The following PDCD11 variants were observed in gnomAD, a reference collection of about 807,000 sequenced individuals.
PDCD11 encodes programmed cell death 11.
In PDCD11, 97 loss-of-function variants were observed where a neutral mutation model predicts 198.9. The observed-to-expected ratio is 0.49, with a 90% CI of 0.41 to 0.58. The LOEUF (loss-of-function observed/expected upper bound fraction) is 0.58, where lower values mean the gene tolerates loss of function less well. Ranked by LOEUF, PDCD11 falls within the 20% of genes least tolerant of loss-of-function variation. PDCD11 has a pLI of 0.00. For synonymous variants in PDCD11, 893 were observed against 918.0 expected, an observed-to-expected ratio of 0.97 and a Z score of 0.49; for missense variants, 2,102 against 2,312.7, an observed-to-expected ratio of 0.91 and a Z score of 1.87.
Position 103,444,076 on chromosome 10 carries a change from C to A in PDCD11, c.5278+8C>A. 1 of 1,608,568 alleles carries A rather than the reference C, an allele frequency of 6.2e-7. No individual in the cohort carries two copies. The highest frequency in any genetic ancestry group is 8.5e-7 in the Non-Finnish European group (1 of 1,178,446). On this transcript the variant is annotated splice_region_variant and intron_variant, in intron 34 of 35. Transcript: ENST00000369797. Reference sequence around the variant, plus strand: ...GCCTGCCTAGCAAGGAGCGTGAGTGCTCATTCCCAGCTCCTGAGCCCATGA... The same window carrying A: ...GCCTGCCTAGCAAGGAGCGTGAGTGATCATTCCCAGCTCCTGAGCCCATGA...
rs1166581296 is a variant in PDCD11, at chr10:103,443,250, T to C, written c.5041T>C (p.Phe1681Leu). The change falls in exon 33 of 36, where the codon TTT (phenylalanine) becomes CTT (leucine). Residue 1681 changes from phenylalanine to leucine, a missense_variant. Physicochemically the swap from Phe to Leu is conservative, Grantham distance 22. Transcript: ENST00000369797. ...YGSQESLTKV[F>L]ERAVQYNEPL... is the part of the protein sequence containing the mutation. Reference sequence around the variant, plus strand: ...CTCTCAGGAGTCCCTGACCAAGGTCTTTGAGCGAGCCGTGCAGTACAACGA... The same window carrying C: ...CTCTCAGGAGTCCCTGACCAAGGTCCTTGAGCGAGCCGTGCAGTACAACGA... The C allele has an allele frequency of 3.1e-6, 5 of 1,613,022 alleles. No homozygotes were observed. Among genetic ancestry groups the C allele is most frequent in the Non-Finnish European group, 4.2e-6 (5 of 1,179,204 alleles).
chr10:103,421,515 G>C lies in PDCD11; in HGVS notation c.2445G>C (p.Leu815=), dbSNP rs749337554. The change falls in exon 17 of 36, where the codon CTG becomes CTC. Residue 815 remains leucine (L), a synonymous_variant. Coordinates refer to ENST00000369797, the MANE Select transcript of PDCD11 (RefSeq NM_014976.2). ...TGGCTATCACCAGCCTCCTCCTCCT[G>C]AATCAGTGCCTGGAGGAGCTGCAGG... ...GDLAITSLLL[L]NQCLEELQGV... 1.1e-5 allele frequency: 17 copies of C among 1,584,672 alleles called. No individual in the cohort carries two copies. The highest frequency in any genetic ancestry group is 1.4e-5 in the Non-Finnish European group (16 of 1,164,894).
At position 103,438,057 on chromosome 10, in the gene PDCD11, G is replaced by T. The variant is rs199717141; in HGVS notation, c.3888G>T (p.Ser1296=). ...CTGCAGACAACGTATTGACTTTGTC[G>T]CTGCGATCATCCAGGTGGGTTTCTG... ...LSTADNVLTL[S]LRSSRTNPET... Residue 1296 remains serine, a synonymous_variant, in exon 26 of 36, where the codon TCG becomes TCT. Coordinates refer to ENST00000369797, the MANE Select transcript of PDCD11 (RefSeq NM_014976.2). The T allele has an allele frequency of 4.3e-6, 7 of 1,613,190 alleles. No individual in the cohort carries two copies. Among genetic ancestry groups the T allele is most frequent in the East Asian group, 2.2e-5 (1 of 44,886 alleles).
At chr10:103,411,030 G>A (rs1011347043) in intron 8 of PDCD11, among the ~76,000 whole-genome samples, 6 of 151,086 alleles carry the variant, frequency 4.0e-5, no homozygotes, top group African/African-American at 1.2e-4. Context: ...AGCCGAGATT[G>A]TGCCACTGCA....
chr10:103,417,727 G>A, intron 13 of PDCD11, 65 bp from the exon 14 acceptor site: 1 of 1,558,382 alleles, frequency 6.4e-7, no homozygotes. Flanking sequence ...GTAGTGGAGG[G>A]CACGTTGCAG....
At chr10:103,433,496 C>CA (rs368230855) in intron 22 of PDCD11, among the ~76,000 whole-genome samples, 12 of 149,678 alleles carry the variant, frequency 8.0e-5, no homozygotes, top group African/African-American at 1.7e-4. Flanking sequence ...GACTCTGTCT[C>CA]AAAAAAAAAG....
chr10:103,432,829 C>T (rs1485744489), intron 22 of PDCD11, among the ~76,000 whole-genome samples: 5 of 152,328 alleles, frequency 3.3e-5, no homozygotes, highest in African/African-American at 1.2e-4. Flanking sequence ...GATGCCTTAG[C>T]GTGGCAGATA....
At chr10:103,422,864 A>G in intron 17 of PDCD11, 124 bp from the exon 18 acceptor site, 1 of 931,440 alleles carries the variant, frequency 1.1e-6, no homozygotes, top group Non-Finnish European at 1.5e-6. Context: ...GCAAAAAGTG[A>G]TTTTACCTTG....
At chr10:103,402,264 T>C (rs759571235) in intron 3 of PDCD11, among the ~76,000 whole-genome samples, 1 of 152,144 alleles carries the variant, frequency 6.6e-6, no homozygotes, top group East Asian at 1.9e-4. Flanking sequence ...TTTGGGTTGC[T>C]CAGAATAATG....
chr10:103,428,162 G>A (rs970441500), intron 21 of PDCD11, among the ~76,000 whole-genome samples: 4 of 152,050 alleles, frequency 2.6e-5, no homozygotes, highest in South Asian at 2.1e-4. Context: ...AAAATTAGCC[G>A]GGTGTGGTGG....
chr10:103,421,246 C>T, intron 16 of PDCD11, 102 bp from the exon 17 acceptor site: 1 of 854,572 alleles, frequency 1.2e-6, no homozygotes, highest in Admixed American at 2.1e-5. Context: ...GCTTCCTAGG[C>T]CCCATTTCCC....
At chr10:103,444,743 C>T (rs111754380) in intron 35 of PDCD11, 61 bp downstream of exon 35, 3 of 1,481,026 alleles carry the variant, frequency 2.0e-6, no homozygotes, top group East Asian at 4.5e-5. Context: ...GGCACTGGTC[C>T]CACAGCAGCT....
At chr10:103,406,187 G>C in intron 6 of PDCD11, 79 bp downstream of exon 6, 1 of 1,517,744 alleles carries the variant, frequency 6.6e-7, no homozygotes, top group Non-Finnish European at 9.0e-7. Flanking sequence ...ATTTTGATGA[G>C]TAACATGACA....
At chr10:103,400,586 T>C in intron 3 of PDCD11, 58 bp downstream of exon 3, 1 of 1,531,824 alleles carries the variant, frequency 6.5e-7, no homozygotes, top group Non-Finnish European at 8.8e-7. Context: ...AGTTTGTGTA[T>C]GTTCTTTTTT....
At position 103,442,357 on chromosome 10, in the gene PDCD11, A is replaced by G. The variant is rs781475282; in HGVS notation, c.4852A>G (p.Ser1618Gly). Residue 1618 changes from serine to glycine, a missense_variant, in exon 32 of 36, where the codon AGC (serine) becomes GGC (glycine). Ser to Gly is a moderately conservative substitution (Grantham distance 56, BLOSUM62 0). Coordinates refer to ENST00000369797, the MANE Select transcript of PDCD11 (RefSeq NM_014976.2). ...FDRLVLSSPN[S>G]SILWLQYMAF... ...CCGACTGGTGCTGAGCTCCCCCAAC[A>G]GCTCCATTCTGTGGCTGCAGTACAT... is the stretch of plus-strand genomic sequence containing the variant. The G allele has an allele frequency of 1.9e-6, 3 of 1,614,102 alleles. No homozygotes were observed. The highest frequency in any genetic ancestry group is 4.5e-5 in the East Asian group (2 of 44,902).
At chr10:103,417,762 G>A (rs369395144) in intron 13 of PDCD11, 30 bp from the exon 14 acceptor site, 2 of 1,607,670 alleles carry the variant, frequency 1.2e-6, no homozygotes, top group African/African-American at 2.7e-5. Flanking sequence ...GCTGGGAGGA[G>A]TTGGCCAAGC....
intron 1 of PDCD11, 114 bp downstream of exon 1, chr10:103,396,844 C>CG (rs1002476025): frequency 6.6e-6 from 1 of 152,336 alleles, no homozygotes; most frequent in Non-Finnish European, 1.5e-5. Context: ...ACCTTAGCCC[C>CG]GCTTCGAAGC....
In PDCD11 at chr10:103,444,071, G is replaced by A; in HGVS notation, c.5278+3G>A. On this transcript the variant is annotated splice_donor_region_variant and intron_variant, in intron 34 of 35. Coordinates refer to ENST00000369797, the MANE Select transcript of PDCD11 (RefSeq NM_014976.2). The stretch of plus-strand genomic sequence containing the variant: ...GGAGTGCCTGCCTAGCAAGGAGCGT[G>A]AGTGCTCATTCCCAGCTCCTGAGCC... 6.2e-7 allele frequency: 1 copy of A among 1,610,052 alleles called. No individual in the cohort carries two copies. Among genetic ancestry groups the A allele is most frequent in the Non-Finnish European group, 8.5e-7 (1 of 1,179,298 alleles).
chr10:103,443,710 G>GGAATCCCC (rs1456791163), intron 33 of PDCD11, among the ~76,000 whole-genome samples: 2 of 152,194 alleles, frequency 1.3e-5, no homozygotes, highest in East Asian at 3.9e-4. Context: ...GGATCAGCAG[G>GGAATCCCC]GAATCCCCTC....
Sources: gnomAD v4.1 joint callset for allele counts (sites outside exome capture counted in the v4.1 genomes callset) on GRCh38, gnomAD v4.1.1 for gene constraint, MANE v1.5 for transcripts, NCBI Gene and HGNC (gene_info 2026-07-23, HGNC 2026-07-21) for gene names.